Variants in RGS22 observed in about 807,000 individuals in gnomAD.
RGS22 encodes regulator of G protein signaling 22.
RGS22 carries 148 observed loss-of-function variants against 172.9 expected under a neutral mutation model. The ratio of observed to expected loss-of-function variants is 0.86; its 90% CI spans 0.75 to 0.98. The LOEUF (loss-of-function observed/expected upper bound fraction) is 0.98. Ranked by LOEUF, RGS22 falls within the 50% of genes least tolerant of loss-of-function variation. The pLI is 0.00. For missense variants in RGS22, 1,347 were observed against 1,440.8 expected, an observed-to-expected ratio of 0.93 and a Z score of 1.05; for synonymous variants, 458 against 480.2, an observed-to-expected ratio of 0.95 and a Z score of 0.60.
At chr8:100,077,634 C>T (rs979804996) in intron 4 of RGS22, among the ~76,000 whole-genome samples, 2 of 152,044 alleles carry the variant, frequency 1.3e-5, no homozygotes, top group Non-Finnish European at 2.9e-5. Context: ...TTTTATGGCC[C>T]AAAATGTGGT....
At chr8:100,031,700 A>G (rs1818831028) in intron 14 of RGS22, among the ~76,000 whole-genome samples, 1 of 152,160 alleles carries the variant, frequency 6.6e-6, no homozygotes, top group African/African-American at 2.4e-5. Context: ...TTGTTAGGAT[A>G]TAACTTATCT....
intron 2 of RGS22, among the ~76,000 whole-genome samples, chr8:100,099,205 C>T (rs1188569424): frequency 1.3e-5 from 2 of 152,050 alleles, no homozygotes; most frequent in Non-Finnish European, 2.9e-5. Flanking sequence ...TGAGCCATTG[C>T]GCCTGGCCCA....
chr8:100,053,876 T>A (rs561626566), intron 9 of RGS22, among the ~76,000 whole-genome samples: 1 of 152,260 alleles, frequency 6.6e-6, no homozygotes, highest in South Asian at 2.1e-4. Flanking sequence ...CCTTGTGATC[T>A]GCCCTCCTCA....
At chr8:100,034,499 A>G (rs1196024150) in intron 14 of RGS22, among the ~76,000 whole-genome samples, 4 of 152,228 alleles carry the variant, frequency 2.6e-5, no homozygotes, top group African/African-American at 4.8e-5. Flanking sequence ...TTCCATGCTC[A>G]TGGATAGGAA....
intron 22 of RGS22, among the ~76,000 whole-genome samples, chr8:99,980,534 T>A (rs920116253): frequency 1.1e-4 from 17 of 152,104 alleles, no homozygotes; most frequent in Non-Finnish European, 4.4e-5. Flanking sequence ...TATCCTGGGG[T>A]AGGAGGCAAT....
At chr8:100,010,808 CTTT>C (rs758368137) in intron 14 of RGS22, among the ~76,000 whole-genome samples, 1 of 136,028 alleles carries the variant, frequency 7.4e-6, no homozygotes, top group Non-Finnish European at 1.6e-5. Context: ...GAAGATAATT[CTTT>C]TTTTTTTTTT....
chr8:100,044,510 G>T (rs1454595606), intron 11 of RGS22, among the ~76,000 whole-genome samples: 1 of 152,046 alleles, frequency 6.6e-6, no homozygotes, highest in African/African-American at 2.4e-5. Flanking sequence ...GCCTCCCAAA[G>T]TGCTGGAATT....
intron 4 of RGS22, among the ~76,000 whole-genome samples, chr8:100,072,486 G>A (rs932128697): frequency 1.3e-5 from 2 of 151,374 alleles, no homozygotes; most frequent in Non-Finnish European, 1.5e-5. Flanking sequence ...TTAACAAATC[G>A]AATCCAGAGA....
chr8:100,066,089 A>G, intron 7 of RGS22, 78 bp downstream of exon 7: 5 of 1,402,876 alleles, frequency 3.6e-6, no homozygotes, highest in African/African-American at 1.4e-5. Flanking sequence ...ACCACTAAGT[A>G]CTGTACTGTA....
At chr8:100,073,217 T>C (rs1811110078) in intron 4 of RGS22, among the ~76,000 whole-genome samples, 1 of 152,168 alleles carries the variant, frequency 6.6e-6, no homozygotes. Flanking sequence ...TCTAAGGTGA[T>C]AGTTTTGCTA....
chr8:99,971,968 A>G (rs201936974), intron 23 of RGS22, among the ~76,000 whole-genome samples: 23 of 152,038 alleles, frequency 1.5e-4, no homozygotes, highest in Admixed American at 9.8e-4. Context: ...AAGAACAAAG[A>G]TGGAGGCATC....
At chr8:100,102,278 T>C (rs952837242) in intron 2 of RGS22, among the ~76,000 whole-genome samples, 3 of 152,196 alleles carry the variant, frequency 2.0e-5, no homozygotes, top group Non-Finnish European at 4.4e-5. Context: ...TACATCGTAT[T>C]GGCCAGAATT....
chr8:99,963,818 G>A (rs948449149), intron 24 of RGS22, among the ~76,000 whole-genome samples: 3 of 152,118 alleles, frequency 2.0e-5, no homozygotes, highest in African/African-American at 7.2e-5. Flanking sequence ...TCTGCAGGAA[G>A]TCTTGGAACC....
rs1428290853 is a variant in RGS22 at position 100,105,993 on chromosome 8, CAG to C, written c.-74_-73del. On this transcript the variant is annotated 5_prime_UTR_variant, in exon 1 of 28. Coordinates refer to ENST00000360863, the MANE Select transcript of RGS22 (RefSeq NM_015668.5). ...CCTAGCGCGCGGGTCCAGCGCGGGTCAGGGCCTGAGCGACGCGGCGACGGCGC... is the reference window on the plus strand; with the variant it reads ...CCTAGCGCGCGGGTCCAGCGCGGGTCGGCCTGAGCGACGCGGCGACGGCGC... 7.9e-7 allele frequency: 1 copy of C among 1,258,464 alleles called. No individual in the cohort carries two copies. The highest frequency in any genetic ancestry group is 1.0e-6 in the Non-Finnish European group (1 of 1,004,280). The allele number at this position is 1,258,464 out of a possible 1,614,324, so 78.0% of individuals were successfully genotyped here. A position where few individuals can be genotyped will look rare whatever the true frequency, so the allele number is the denominator to read the frequency against.
At chr8:100,101,335 G>A (rs1813462961) in intron 2 of RGS22, among the ~76,000 whole-genome samples, 1 of 149,620 alleles carries the variant, frequency 6.7e-6, no homozygotes, top group Non-Finnish European at 1.5e-5. Flanking sequence ...TGCCCAGGCT[G>A]GAGTGTGGTG....
chr8:100,002,097 A>G (rs1442214139), intron 18 of RGS22, 105 bp downstream of exon 18: 1 of 852,652 alleles, frequency 1.2e-6, no homozygotes, highest in Non-Finnish European at 1.8e-6. Flanking sequence ...CATTAGTCAT[A>G]AGCAAAAGAA....
At chr8:100,105,083 A>T (rs1243527469) in intron 2 of RGS22, among the ~76,000 whole-genome samples, 1 of 152,232 alleles carries the variant, frequency 6.6e-6, no homozygotes, top group Non-Finnish European at 1.5e-5. Context: ...TGGAGATAAA[A>T]CTTTCCTCTC....
At chr8:100,029,873 AAC>A (rs1818606406) in intron 14 of RGS22, among the ~76,000 whole-genome samples, 1 of 152,192 alleles carries the variant, frequency 6.6e-6, no homozygotes, top group Non-Finnish European at 1.5e-5. Flanking sequence ...AATTTTGTAA[AAC>A]ACAAATATAA....
At chr8:100,019,725 C>A (rs1204714729) in intron 14 of RGS22, among the ~76,000 whole-genome samples, 2 of 151,790 alleles carry the variant, frequency 1.3e-5, no homozygotes, top group Non-Finnish European at 2.9e-5. Context: ...TTTTTAGACC[C>A]ATTACTCGAC....
Sources: allele counts gnomAD v4.1 joint callset (sites outside exome capture counted in the v4.1 genomes callset), GRCh38; gene constraint gnomAD v4.1.1; transcripts MANE v1.5; gene names NCBI Gene and HGNC (gene_info 2026-07-23, HGNC 2026-07-21).